PEAK1: variants seen among roughly 807,000 people sequenced by gnomAD.
PEAK1 encodes the protein pseudopodium enriched atypical kinase 1.
PEAK1 carries 54 observed loss-of-function variants against 124.7 expected under a neutral mutation model. The observed-to-expected ratio is 0.43, with a 90% CI of 0.35 to 0.54. The LOEUF is 0.54. Among genes scored for constraint, PEAK1 ranks in the 20% least tolerant of loss-of-function variants. The probability of loss-of-function intolerance (pLI) is 0.01; values close to 1 mark genes in which losing one functional copy is unlikely to be tolerated. For missense variants in PEAK1, 2,046 were observed against 2,134.5 expected (o/e 0.96, Z 0.82); for synonymous variants, 719 against 760.0 (o/e 0.95, Z 0.89).
At chr15:77,408,743 G>T (rs2072149470) in intron 1 of PEAK1, among the ~76,000 whole-genome samples, 1 of 152,042 alleles carries the variant, frequency 6.6e-6, no homozygotes, top group Non-Finnish European at 1.5e-5. Flanking sequence ...CAGTTTTTCA[G>T]CATTTGAAAT....
chr15:77,398,837 G>C (rs1341098597), intron 1 of PEAK1, among the ~76,000 whole-genome samples: 1 of 152,080 alleles, frequency 6.6e-6, no homozygotes, highest in Non-Finnish European at 1.5e-5. Flanking sequence ...ATTGTTTGTA[G>C]ATGACATGAT....
At chr15:77,352,270 C>G (rs537917347) in intron 2 of PEAK1, 1 of 985,268 alleles carries the variant, frequency 1.0e-6, no homozygotes, top group Non-Finnish European at 1.2e-6. Flanking sequence ...GTCCTCCTAG[C>G]CATACCTCTC....
chr15:77,363,236 A>G (rs1477176790), intron 2 of PEAK1, among the ~76,000 whole-genome samples: 1 of 152,120 alleles, frequency 6.6e-6, no homozygotes, highest in Non-Finnish European at 1.5e-5. Context: ...CCCACACCAG[A>G]TTTGGTGCAT....
At chr15:77,345,642 G>T (rs1034456742) in intron 2 of PEAK1, among the ~76,000 whole-genome samples, 1 of 152,124 alleles carries the variant, frequency 6.6e-6, no homozygotes, top group African/African-American at 2.4e-5. Context: ...CCCAGAATTG[G>T]TATACTGTTT....
chr15:77,295,382 TAC>T (rs2063432124), intron 2 of PEAK1, among the ~76,000 whole-genome samples: 1 of 152,138 alleles, frequency 6.6e-6, no homozygotes, highest in Non-Finnish European at 1.5e-5. Flanking sequence ...TATAGACTAT[TAC>T]AGTGAGAAGT....
intron 2 of PEAK1, among the ~76,000 whole-genome samples, chr15:77,326,679 A>G (rs181849721): frequency 8.7e-4 from 132 of 152,184 alleles, no homozygotes; most frequent in Non-Finnish European, 1.5e-3. Flanking sequence ...TGAAAAAACA[A>G]CTCCCTAAGA....
intron 2 of PEAK1, chr15:77,351,863 A>G (rs2067231652): frequency 1.0e-6 from 1 of 985,350 alleles, no homozygotes; most frequent in Admixed American, 6.1e-5. Flanking sequence ...CGGGCATACA[A>G]GAAAAGGACA....
chr15:77,209,310 T>A (rs1389027331), intron 6 of PEAK1, among the ~76,000 whole-genome samples: 4 of 151,922 alleles, frequency 2.6e-5, no homozygotes, highest in Non-Finnish European at 5.9e-5. Context: ...GTAACCCGAA[T>A]GAAGTCAAGA....
chr15:77,295,924 T>C (rs1475431552), intron 2 of PEAK1, among the ~76,000 whole-genome samples: 1 of 152,184 alleles, frequency 6.6e-6, no homozygotes, highest in Admixed American at 6.5e-5. Flanking sequence ...AAAGAAAATT[T>C]TGGGTACCTG....
At chr15:77,288,791 TGGTGGCGGGC>T (rs1438290724) in intron 2 of PEAK1, among the ~76,000 whole-genome samples, 1 of 152,054 alleles carries the variant, frequency 6.6e-6, no homozygotes, top group Non-Finnish European at 1.5e-5. Flanking sequence ...TAGCCGGGTG[TGGTGGCGGGC>T]ACCTGTAGTC....
In PEAK1 at chr15:77,114,532, C is replaced by T. The variant is rs756989281; in HGVS notation, c.4865G>A (p.Arg1622Gln). The T allele has an allele frequency of 1.3e-5, 21 of 1,613,866 alleles. No homozygotes were observed. Among genetic ancestry groups the T allele is most frequent in the East Asian group, 4.5e-5 (2 of 44,852 alleles). The change falls in exon 10 of 10, where the codon CGA becomes CAA. Residue 1622 changes from arginine (R) to glutamine (Q), a missense_variant. Coordinates refer to ENST00000682557, the MANE Select transcript of PEAK1 (RefSeq NM_001385026.1). ...NPELKEREYT[R>Q]ADLPRIPFRS... ...GAATGGGATGCGAGGCAGGTCTGCT[C>T]GTGTGTATTCCCTCTCCTTCAGCTC...
chr15:77,114,643 G>A lies in PEAK1; in HGVS notation c.4754C>T (p.Thr1585Ile). ...GAACTCATCACACTTTTTATACTGG[G>A]TAGCTGTTATGATCTCTGGGGCAAG... ...SRLAPEIITA[T>I]QYKKCDEFQT... is the part of the protein sequence containing the mutation. Residue 1585 changes from threonine to isoleucine, a missense_variant, in exon 10 of 10, where the codon ACC becomes ATC. Physicochemically the swap from Thr to Ile is moderately conservative, Grantham distance 89. Coordinates refer to ENST00000682557, the MANE Select transcript of PEAK1 (RefSeq NM_001385026.1). The A allele has an allele frequency of 6.2e-7, 1 of 1,613,936 alleles. No homozygotes were observed. The highest frequency in any genetic ancestry group is 1.3e-5 in the African/African-American group (1 of 74,968).
At chr15:77,209,765 C>A (rs1436057905) in intron 6 of PEAK1, among the ~76,000 whole-genome samples, 3 of 152,248 alleles carry the variant, frequency 2.0e-5, no homozygotes. Context: ...ATGTCCAAAT[C>A]CCCAGAACTT....
intron 5 of PEAK1, among the ~76,000 whole-genome samples, chr15:77,263,540 CCAAGA>C (rs1207635201): frequency 6.6e-6 from 1 of 152,094 alleles, no homozygotes; most frequent in Non-Finnish European, 1.5e-5. Context: ...CTACACCCTC[CCAAGA>C]CTAAACCAGG....
chr15:77,293,048 C>T (rs567526195), intron 2 of PEAK1, among the ~76,000 whole-genome samples: 1 of 152,276 alleles, frequency 6.6e-6, no homozygotes, highest in Admixed American at 6.5e-5. Context: ...CTGGCATCAT[C>T]ACATCTATTC....
At chr15:77,185,640 G>A (rs1246061716) in intron 6 of PEAK1, among the ~76,000 whole-genome samples, 1 of 152,194 alleles carries the variant, frequency 6.6e-6, no homozygotes, top group Non-Finnish European at 1.5e-5. Context: ...GTGAGTTGAA[G>A]AGTGAGATAA....
At chr15:77,392,442 T>A (rs1055320022) in intron 1 of PEAK1, among the ~76,000 whole-genome samples, 1 of 152,202 alleles carries the variant, frequency 6.6e-6, no homozygotes, top group Non-Finnish European at 1.5e-5. Context: ...CTGCTCAGAA[T>A]TACAGAGGTA....
intron 2 of PEAK1, among the ~76,000 whole-genome samples, chr15:77,353,183 G>A (rs1282138961): frequency 3.9e-5 from 6 of 152,178 alleles, no homozygotes; most frequent in Non-Finnish European, 5.9e-5. Flanking sequence ...AGTATCGATC[G>A]TGTATGCTAA....
At chr15:77,130,175 G>T (rs1424031912) in intron 9 of PEAK1, among the ~76,000 whole-genome samples, 1 of 152,142 alleles carries the variant, frequency 6.6e-6, no homozygotes, top group African/African-American at 2.4e-5. Context: ...CATAAAGTTA[G>T]TCAAGTCCTA....
Sources: gnomAD v4.1 joint callset for allele counts (sites outside exome capture counted in the v4.1 genomes callset) on GRCh38, gnomAD v4.1.1 for gene constraint, MANE v1.5 for transcripts, NCBI Gene and HGNC (gene_info 2026-07-23, HGNC 2026-07-21) for gene names.